The following TCEANC2 variants were observed in gnomAD, a reference collection of about 807,000 sequenced individuals.
TCEANC2 encodes transcription elongation factor A N-terminal and central domain-containing protein 2.
In TCEANC2, 20 loss-of-function variants were observed where a neutral mutation model predicts 22.8. The observed-to-expected ratio is 0.88, with a 90% CI of 0.62 to 1.28. The LOEUF (loss-of-function observed/expected upper bound fraction) is 1.28, where lower values mean the gene tolerates loss of function less well. TCEANC2 is among the 50% of genes most tolerant of loss of function. The probability of loss-of-function intolerance (pLI) is 0.00; values close to 1 mark genes in which losing one functional copy is unlikely to be tolerated. For synonymous variants in TCEANC2, 84 were observed against 95.5 expected, an observed-to-expected ratio of 0.88 and a Z score of 0.70; for missense variants, 251 against 249.7, an observed-to-expected ratio of 1.01 and a Z score of -0.03.
intron 2 of TCEANC2, among the ~76,000 whole-genome samples, chr1:54,059,152 CTTTT>C (rs201301611): frequency 0.041 from 5,353 of 130,732 alleles, 259 homozygotes; most frequent in East Asian, 0.22. Flanking sequence ...CTTGAGTTTT[CTTTT>C]TTTTTTTTTT....
At chr1:54,077,952 C>G (rs1381332494) in intron 3 of TCEANC2, among the ~76,000 whole-genome samples, 1 of 152,116 alleles carries the variant, frequency 6.6e-6, no homozygotes, top group Non-Finnish European at 1.5e-5. Flanking sequence ...TTAACTGAGG[C>G]CTTAATTCAG....
At chr1:54,082,361 C>T (rs1451236405) in intron 3 of TCEANC2, among the ~76,000 whole-genome samples, 1 of 152,128 alleles carries the variant, frequency 6.6e-6, no homozygotes, top group South Asian at 2.1e-4. Flanking sequence ...TCCTAATCAC[C>T]TCTATCCATA....
At position 54,103,489 on chromosome 1, in the gene TCEANC2, GA is replaced by G. The variant is rs1658695693; in HGVS notation, c.*7019del. 6.6e-6 allele frequency: 1 copy of G among 152,156 alleles called. No homozygotes were observed. The highest frequency in any genetic ancestry group is 2.1e-4 in the South Asian group (1 of 4,822). The allele number at this position is 152,156 out of a possible 1,614,324, so 9.4% of individuals were successfully genotyped here. On this transcript the variant is annotated 3_prime_UTR_variant, in exon 5 of 5. Transcript: ENST00000234827. ...TCACTATCATGACAACAGCATGGGG[GA>G]AACCGGCTCCGTGATCCAATCACTT...
chr1:54,056,331 C>T (rs1040350321), intron 2 of TCEANC2, among the ~76,000 whole-genome samples: 15 of 147,050 alleles, frequency 1.0e-4, no homozygotes, highest in East Asian at 5.9e-4. Flanking sequence ...TTTTTTGAGA[C>T]GGAGTTTTGC....
chr1:54,087,979 T>C (rs1279580823), intron 3 of TCEANC2, among the ~76,000 whole-genome samples: 1 of 152,202 alleles, frequency 6.6e-6, no homozygotes, highest in Admixed American at 6.5e-5. Flanking sequence ...GACTACTTCA[T>C]AGGTTAAGGG....
Position 54,053,777 on chromosome 1 carries a change from C to G in TCEANC2, c.-43+19C>G, listed in dbSNP as rs553713664. Reference sequence around the variant, plus strand: ...TTTCCTGGTGGGTCTCACGTCAGACCGTTGTTGGGTGCCCCTACCCGGGCT... The same window carrying G: ...TTTCCTGGTGGGTCTCACGTCAGACGGTTGTTGGGTGCCCCTACCCGGGCT... On this transcript the variant is annotated intron_variant, in intron 1 of 4. Transcript: ENST00000234827. 1 of 153,306 alleles carries G rather than the reference C, an allele frequency of 6.5e-6. No individual in the cohort carries two copies. The highest frequency in any genetic ancestry group is 1.9e-4 in the East Asian group (1 of 5,184). The allele number at this position is 153,306 out of a possible 1,614,324, so 9.5% of individuals were successfully genotyped here. A position where few individuals can be genotyped will look rare whatever the true frequency, so the allele number is the denominator to read the frequency against.
rs1040571449 is a variant in TCEANC2 at position 54,069,148 on chromosome 1, T to C, written c.244+251T>C. Among the ~76,000 whole-genome samples, 5 of 152,340 alleles carry C rather than the reference T, an allele frequency of 3.3e-5. No homozygotes were observed. The South Asian group carries it at 1.0e-3, about 32-fold the overall frequency. On this transcript the variant is annotated intron_variant, in intron 3 of 4. Coordinates refer to ENST00000234827, the MANE Select transcript of TCEANC2 (RefSeq NM_153035.3). Reference sequence around the variant, plus strand: ...TTTTTAAAATTAGATTCAACAGATATAGGATTACTCTTGTCAAATTACTAT... The same window carrying C: ...TTTTTAAAATTAGATTCAACAGATACAGGATTACTCTTGTCAAATTACTAT...
At position 54,054,474 on chromosome 1, in the gene TCEANC2, A is replaced by C; in HGVS notation, c.52A>C (p.Lys18Gln). ...TPRIQNSPQK[K>Q]DSGGKVYKQA... ...TAGAATCCAGAATAGCCCTCAGAAG[A>C]AAGATTCTGGAGGAAAGGTTTACAA... Residue 18 changes from lysine (K) to glutamine (Q), a missense_variant, in exon 2 of 5, where the codon AAA (lysine) becomes CAA (glutamine). Lys to Gln is a moderately conservative substitution (Grantham distance 53, BLOSUM62 1). Transcript: ENST00000234827. 6.2e-7 allele frequency: 1 copy of C among 1,614,086 alleles called. No individual in the cohort carries two copies. The highest frequency in any genetic ancestry group is 1.7e-5 in the Admixed American group (1 of 60,002).
chr1:54,095,588 T>C (rs1658530424), intron 4 of TCEANC2, among the ~76,000 whole-genome samples: 1 of 152,182 alleles, frequency 6.6e-6, no homozygotes, highest in South Asian at 2.1e-4. Flanking sequence ...CACCCCAGAA[T>C]TGCTACAGTT....
At chr1:54,054,359 A>T in intron 1 of TCEANC2, 22 bp from the exon 2 acceptor site, 2 of 1,601,208 alleles carry the variant, frequency 1.2e-6, no homozygotes, top group South Asian at 2.3e-5. Context: ...GGGTTTTAGA[A>T]TCTGCCCTCT....
At chr1:54,063,216 G>A (rs1311381369) in intron 2 of TCEANC2, among the ~76,000 whole-genome samples, 7 of 152,196 alleles carry the variant, frequency 4.6e-5, no homozygotes, top group African/African-American at 1.7e-4. Flanking sequence ...GAAGCTGGAA[G>A]CCGAAACAGG....
chr1:54,075,388 T>C (rs1376182251), intron 3 of TCEANC2, among the ~76,000 whole-genome samples: 3 of 152,316 alleles, frequency 2.0e-5, no homozygotes, highest in Non-Finnish European at 2.9e-5. Context: ...ATCTGGCTCC[T>C]TGCAGGCAGA....
chr1:54,108,119 G>A (rs142162471), downstream of TCEANC2, among the ~76,000 whole-genome samples: 38 of 152,272 alleles, frequency 2.5e-4, no homozygotes, highest in East Asian at 6.7e-3. Context: ...CAAAGGGTTC[G>A]CCTTCCTTGC....
In TCEANC2 at chr1:54,082,115, C is replaced by G. The variant is rs114651817; in HGVS notation, c.245-6482C>G. Among the ~76,000 whole-genome samples, 971 of 152,216 alleles carry G rather than the reference C, an allele frequency of 6.4e-3. 11 individuals carry two copies. Among genetic ancestry groups the G allele is most frequent in the African/African-American group, 0.022 (934 of 41,518 alleles). On this transcript the variant is annotated intron_variant, in intron 3 of 4. Transcript: ENST00000234827. Reference sequence around the variant, plus strand: ...GCTTCCACACTTATTAGCTGTGAGACCTTGGGCAAGGTGCCTTACTGAGTT... The same window carrying G: ...GCTTCCACACTTATTAGCTGTGAGAGCTTGGGCAAGGTGCCTTACTGAGTT...
chr1:54,092,869 G>C (rs1658474346), intron 4 of TCEANC2, among the ~76,000 whole-genome samples: 1 of 147,376 alleles, frequency 6.8e-6, no homozygotes, highest in South Asian at 2.1e-4. Flanking sequence ...AGTTCATCCA[G>C]AATTAGCTGT....
At chr1:54,094,268 G>A (rs1052167397) in intron 4 of TCEANC2, among the ~76,000 whole-genome samples, 2 of 152,042 alleles carry the variant, frequency 1.3e-5, no homozygotes, top group Non-Finnish European at 2.9e-5. Context: ...TATCTGACAA[G>A]TTTGTTTTTT....
intron 3 of TCEANC2, among the ~76,000 whole-genome samples, chr1:54,078,147 T>C (rs1220048227): frequency 6.6e-6 from 1 of 152,162 alleles, no homozygotes; most frequent in Non-Finnish European, 1.5e-5. Flanking sequence ...TGGCACTTTT[T>C]CTTTTTTTTG....
downstream of TCEANC2, among the ~76,000 whole-genome samples, chr1:54,106,803 A>G (rs1003056009): frequency 3.3e-5 from 5 of 152,072 alleles, no homozygotes; most frequent in Non-Finnish European, 7.4e-5. Flanking sequence ...CAATTTAGAG[A>G]GACGTTTTGG....
intron 2 of TCEANC2, among the ~76,000 whole-genome samples, chr1:54,066,215 C>T (rs144764779): frequency 0.011 from 1,660 of 151,144 alleles, 14 homozygotes; most frequent in Middle Eastern, 0.045. Context: ...GTTACCACTG[C>T]ACCCAGCCTG....
Sources: allele counts gnomAD v4.1 joint callset (sites outside exome capture counted in the v4.1 genomes callset), GRCh38; gene constraint gnomAD v4.1.1; transcripts MANE v1.5; gene names NCBI Gene and HGNC (gene_info 2026-07-23, HGNC 2026-07-21).